The following ANKS1B variants were observed in gnomAD, a reference collection of about 807,000 sequenced individuals.
ANKS1B encodes the protein ankyrin repeat and sterile alpha motif domain containing 1B, also known as ankyrin repeat and sterile alpha motif domain-containing protein 1B.
In ANKS1B, 36 loss-of-function variants were observed where a neutral mutation model predicts 148.3. The observed-to-expected ratio is 0.24, with a 90% confidence interval of 0.19 to 0.32. ANKS1B has a LOEUF of 0.32. Ranked by LOEUF, ANKS1B falls within the 10% of genes least tolerant of loss-of-function variation. ANKS1B has a pLI of 1.00. For synonymous variants in ANKS1B, 542 were observed against 560.8 expected, an observed-to-expected ratio of 0.97 and a Z score of 0.47; for missense variants, 1,157 against 1,542.6, an observed-to-expected ratio of 0.75 and a Z score of 4.19.
At chr12:99,440,033 G>A (rs975538257) in intron 11 of ANKS1B, among the ~76,000 whole-genome samples, 1 of 151,602 alleles carries the variant, frequency 6.6e-6, no homozygotes, top group African/African-American at 2.4e-5. Flanking sequence ...ACAGTGATAC[G>A]CACACAGAAA....
intron 14 of ANKS1B, among the ~76,000 whole-genome samples, chr12:99,242,077 C>G (rs1269452135): frequency 6.6e-6 from 1 of 151,304 alleles, no homozygotes; most frequent in Non-Finnish European, 1.5e-5. Context: ...TGACATAAAT[C>G]AATTAGAAAA....
At chr12:99,777,189 C>G (rs990413897) in intron 6 of ANKS1B, among the ~76,000 whole-genome samples, 1 of 152,144 alleles carries the variant, frequency 6.6e-6, no homozygotes, top group African/African-American at 2.4e-5. Flanking sequence ...TATTCAAGAA[C>G]CTTTTTCTTA....
intron 14 of ANKS1B, among the ~76,000 whole-genome samples, chr12:99,185,325 C>G (rs1242055506): frequency 1.3e-5 from 2 of 152,220 alleles, no homozygotes; most frequent in Non-Finnish European, 2.9e-5. Flanking sequence ...GACATTTACT[C>G]ACAACGATTG....
At chr12:99,105,258 C>G (rs1267037383) in intron 15 of ANKS1B, among the ~76,000 whole-genome samples, 1 of 152,130 alleles carries the variant, frequency 6.6e-6, no homozygotes, top group Non-Finnish European at 1.5e-5. Context: ...ATCCTGCCCC[C>G]CAAGGACATG....
chr12:99,458,573 G>A (rs2095886432), intron 10 of ANKS1B, among the ~76,000 whole-genome samples: 1 of 151,900 alleles, frequency 6.6e-6, no homozygotes, highest in Non-Finnish European at 1.5e-5. Context: ...AAATGAAACA[G>A]GAGATATTAC....
rs566932969 is a variant in ANKS1B, at chr12:99,015,225, G to A, written c.2778+37932C>T. 2.6e-5 allele frequency among the ~76,000 whole-genome samples: 4 copies of A among 152,224 alleles called. No individual in the cohort carries two copies. The South Asian group carries it at 8.3e-4, about 32-fold the overall frequency. On this transcript the variant is annotated intron_variant, in intron 17 of 26. Transcript: ENST00000683438. ...AAGAATGAGATCATGTCCTTTGCAG[G>A]GACATGGATGGAGCTGGAGGCCATT...
intron 12 of ANKS1B, among the ~76,000 whole-genome samples, chr12:99,280,042 C>A: frequency 6.6e-6 from 1 of 151,844 alleles, no homozygotes; most frequent in East Asian, 1.9e-4. Context: ...ATTAAAGGAA[C>A]CAGCAGCTCA....
intron 18 of ANKS1B, 167 bp downstream of exon 18, chr12:98,831,862 G>T: frequency 1.5e-6 from 1 of 655,192 alleles, no homozygotes; most frequent in Non-Finnish European, 2.8e-6. Flanking sequence ...TGATTTTCAT[G>T]TCTCAGCCTC....
At chr12:99,087,903 C>G (rs980124236) in intron 15 of ANKS1B, among the ~76,000 whole-genome samples, 3 of 147,860 alleles carry the variant, frequency 2.0e-5, no homozygotes, top group African/African-American at 7.5e-5. Flanking sequence ...TGTTCTTCCT[C>G]TACACCTCCA....
At chr12:99,237,450 G>A (rs1334173335) in intron 14 of ANKS1B, among the ~76,000 whole-genome samples, 1 of 152,074 alleles carries the variant, frequency 6.6e-6, no homozygotes, top group East Asian at 1.9e-4. Context: ...GAATAGATTT[G>A]GATCTGATAT....
chr12:99,278,694 G>A (rs2078007469), intron 12 of ANKS1B, among the ~76,000 whole-genome samples: 1 of 152,088 alleles, frequency 6.6e-6, no homozygotes, highest in Non-Finnish European at 1.5e-5. Flanking sequence ...ATGTGATCAT[G>A]TCCCAATATC....
At position 99,317,862 on chromosome 12, in the gene ANKS1B, T is replaced by C. The variant is rs1048211584; in HGVS notation, c.1757-70998A>G. 5.3e-5 allele frequency among the ~76,000 whole-genome samples: 8 copies of C among 152,174 alleles called. 1 individual carries two copies. Among genetic ancestry groups the C allele is most frequent in the Middle Eastern group, 3.4e-3 (1 of 294 alleles). On this transcript the variant is annotated intron_variant, in intron 12 of 26. Transcript: ENST00000683438. Reference sequence around the variant, plus strand: ...CCATCAATACCTAGTTTATTGAGAGTTTTTAGCATGAAGCGTTGTTGAATT... The same window carrying C: ...CCATCAATACCTAGTTTATTGAGAGCTTTTAGCATGAAGCGTTGTTGAATT...
At chr12:99,378,901 C>T (rs563053213) in intron 12 of ANKS1B, among the ~76,000 whole-genome samples, 17 of 152,268 alleles carry the variant, frequency 1.1e-4, no homozygotes, top group Non-Finnish European at 2.4e-4. Context: ...ACTGGCAACA[C>T]GTACCTGGCT....
chr12:98,966,002 T>A lies in ANKS1B; in HGVS notation c.2778+87155A>T, dbSNP rs138295512. On this transcript the variant is annotated intron_variant, in intron 17 of 26. Coordinates refer to ENST00000683438, the MANE Select transcript of ANKS1B (RefSeq NM_001352186.2). ...CACAGGCATGGGCAAGGACTTCATG[T>A]CTAAAACACCAAAAGCAATGGCAAC... Among the ~76,000 whole-genome samples the A allele has an allele frequency of 3.7e-3, 570 of 152,224 alleles. 16 individuals carry two copies. The East Asian group carries it at 0.099, about 26-fold the overall frequency.
At chr12:98,918,156 G>T (rs1294928883) in intron 17 of ANKS1B, among the ~76,000 whole-genome samples, 1 of 152,238 alleles carries the variant, frequency 6.6e-6, no homozygotes, top group East Asian at 1.9e-4. Context: ...TCTGGGCTGG[G>T]TGATATACCC....
intron 12 of ANKS1B, among the ~76,000 whole-genome samples, chr12:99,313,454 G>C (rs1404706943): frequency 6.6e-6 from 1 of 152,072 alleles, no homozygotes; most frequent in Admixed American, 6.6e-5. Flanking sequence ...ACCGGGCAGA[G>C]ACACAACAAC....
intron 17 of ANKS1B, among the ~76,000 whole-genome samples, chr12:98,869,936 A>G (rs2099644733): frequency 6.6e-6 from 1 of 152,196 alleles, no homozygotes; most frequent in South Asian, 2.1e-4. Flanking sequence ...GAATATGGCA[A>G]AATGTCCTGA....
chr12:98,754,145 C>T (rs1221539132), intron 25 of ANKS1B, among the ~76,000 whole-genome samples: 1 of 152,220 alleles, frequency 6.6e-6, no homozygotes, highest in African/African-American at 2.4e-5. Flanking sequence ...CCCTACAAGA[C>T]AGACATCTGC....
chr12:99,673,189 A>G (rs1302654506), intron 8 of ANKS1B, among the ~76,000 whole-genome samples: 3 of 152,130 alleles, frequency 2.0e-5, no homozygotes, highest in Non-Finnish European at 4.4e-5. Context: ...TCCAGAATCA[A>G]GAAAGATGAG....
Sources: allele counts gnomAD v4.1 joint callset (sites outside exome capture counted in the v4.1 genomes callset), GRCh38; gene constraint gnomAD v4.1.1; transcripts MANE v1.5; gene names NCBI Gene and HGNC (gene_info 2026-07-23, HGNC 2026-07-21).